ITGA11: variants seen among roughly 807,000 people sequenced by gnomAD.
The protein encoded by ITGA11 is integrin subunit alpha 11.
A neutral mutation model predicts 141.9 loss-of-function variants in ITGA11; 97 were observed. The ratio of observed to expected loss-of-function variants is 0.68; its 90% CI spans 0.58 to 0.81. ITGA11 has a LOEUF of 0.81. ITGA11 is among the 30% of genes least tolerant of loss of function. The pLI, the probability that ITGA11 is intolerant of heterozygous loss-of-function variation, is 0.00. For synonymous variants in ITGA11, 658 were observed against 624.6 expected, an observed-to-expected ratio of 1.05 and a Z score of -0.80; for missense variants, 1,387 against 1,559.2, an observed-to-expected ratio of 0.89 and a Z score of 1.86.
chr15:68,346,396 C>A (rs770122779), intron 10 of ITGA11, among the ~76,000 whole-genome samples: 1 of 152,158 alleles, frequency 6.6e-6, no homozygotes, highest in Non-Finnish European at 1.5e-5. Context: ...TTAATGTCCT[C>A]CTCTTTTTAG....
At position 68,297,453 on chromosome 15, in the gene ITGA11, T is replaced by TTA. The variant is rs398043461; in HGVS notation, c.*5605_*5606insTA. ...TGAGCTTTTTTTTTTTTTTTTTTTT[T>TTA]ATCCAAAAGAAAGCTATGTCTGGTT... On this transcript the variant is annotated 3_prime_UTR_variant, in exon 30 of 30. Coordinates refer to ENST00000315757, the MANE Select transcript of ITGA11 (RefSeq NM_001004439.2). The TTA allele has an allele frequency of 1.9e-4, 29 of 149,060 alleles. No individual in the cohort carries two copies. The highest frequency in any genetic ancestry group is 6.2e-4 in the African/African-American group (25 of 40,154). The allele number at this position is 149,060 out of a possible 1,614,324, so 9.2% of individuals were successfully genotyped here.
chr15:68,405,637 G>C (rs1435133228), intron 1 of ITGA11, among the ~76,000 whole-genome samples: 2 of 152,134 alleles, frequency 1.3e-5, no homozygotes, highest in African/African-American at 2.4e-5. Context: ...GTGAGCACAG[G>C]GTCCTGAAGA....
chr15:68,315,773 CGCCCACTCCCCACA>C (rs377739711), intron 21 of ITGA11, 46 bp from the exon 22 acceptor site: 406 of 1,476,872 alleles, frequency 2.7e-4, no homozygotes, highest in Middle Eastern at 1.6e-3. Flanking sequence ...GGACCAGCCC[CGCCCACTCCCCACA>C]GCCCACTCCC....
At chr15:68,364,657 A>ACCCCC in intron 4 of ITGA11, 50 bp downstream of exon 4, 11 of 671,270 alleles carry the variant, frequency 1.6e-5, no homozygotes, top group Non-Finnish European at 2.7e-5. Context: ...ACCCCTCCCC[A>ACCCCC]CCCCCACCCC....
At chr15:68,414,318 A>G (rs1051372971) in intron 1 of ITGA11, among the ~76,000 whole-genome samples, 28 of 151,952 alleles carry the variant, frequency 1.8e-4, no homozygotes, top group Non-Finnish European at 4.0e-4. Flanking sequence ...CCCTGGGGGG[A>G]CGGGGCTGGA....
At chr15:68,382,805 C>T (rs1015163598) in intron 2 of ITGA11, among the ~76,000 whole-genome samples, 6 of 152,092 alleles carry the variant, frequency 3.9e-5, no homozygotes, top group South Asian at 2.1e-4. Flanking sequence ...ACAGATAAAC[C>T]AGGAAGAAAA....
chr15:68,352,550 A>T (rs1353782885), intron 7 of ITGA11, among the ~76,000 whole-genome samples: 3 of 152,148 alleles, frequency 2.0e-5, no homozygotes, highest in African/African-American at 7.2e-5. Flanking sequence ...CACTTTCTTT[A>T]GTACTGAAAA....
At chr15:68,377,500 G>A (rs1895758174) in intron 2 of ITGA11, among the ~76,000 whole-genome samples, 1 of 152,116 alleles carries the variant, frequency 6.6e-6, no homozygotes, top group African/African-American at 2.4e-5. Context: ...TCAAACTCCT[G>A]ACCTCAGGTG....
At position 68,302,958 on chromosome 15, in the gene ITGA11, G is replaced by T; in HGVS notation, c.*101C>A. ...ATGAGGTCAAGTGCAAAGCCAGCTG[G>T]CTTCCTCTCCGCTCCAGCTCGGTGG... On this transcript the variant is annotated 3_prime_UTR_variant, in exon 30 of 30. Transcript: ENST00000315757. The T allele has an allele frequency of 1.1e-6, 1 of 923,160 alleles. No homozygotes were observed. The allele number at this position is 923,160 out of a possible 1,614,324, so 57.2% of individuals were successfully genotyped here. A position where few individuals can be genotyped will look rare whatever the true frequency, so the allele number is the denominator to read the frequency against.
chr15:68,326,486 G>A lies in ITGA11; in HGVS notation c.2211+168C>T, dbSNP rs1323461063. Among the ~76,000 whole-genome samples the A allele has an allele frequency of 6.6e-6, 1 of 152,044 alleles. No homozygotes were observed. Among genetic ancestry groups the A allele is most frequent in the African/African-American group, 2.4e-5 (1 of 41,400 alleles). On this transcript the variant is annotated intron_variant, in intron 17 of 29. Transcript: ENST00000315757. This position sits in a 1 kb window ranked among gnomAD's most constrained non-coding sequence, Gnocchi z 6.8. ...AGGTGGTATGTAGCGTGTCTCTGGG[G>A]CATGAGGTGGGAATGTGGAGTGGCC...
At chr15:68,352,718 A>G (rs189629266) in intron 7 of ITGA11, among the ~76,000 whole-genome samples, 42 of 152,294 alleles carry the variant, frequency 2.8e-4, no homozygotes, top group African/African-American at 1.0e-3. Context: ...TCTCTTTCTC[A>G]CTTTTTATTT....
chr15:68,331,133 G>C (rs770182114), intron 14 of ITGA11, 22 bp from the exon 15 acceptor site: 2 of 1,575,572 alleles, frequency 1.3e-6, no homozygotes, highest in South Asian at 1.2e-5. Context: ...GGGAAGAGAG[G>C]GGGAGGGCAT....
intron 2 of ITGA11, among the ~76,000 whole-genome samples, chr15:68,402,319 G>A (rs1896531573): frequency 6.6e-6 from 1 of 152,026 alleles, no homozygotes; most frequent in Non-Finnish European, 1.5e-5. Flanking sequence ...TTGTGGTGAT[G>A]GCCTCACAAC....
At position 68,335,625 on chromosome 15, in the gene ITGA11, T is replaced by C; in HGVS notation, c.1425+72A>G. 1.3e-6 allele frequency: 2 copies of C among 1,534,700 alleles called. No homozygotes were observed. The highest frequency in any genetic ancestry group is 1.8e-6 in the Non-Finnish European group (2 of 1,123,486). On this transcript the variant is annotated intron_variant, in intron 12 of 29. Coordinates refer to ENST00000315757, the MANE Select transcript of ITGA11 (RefSeq NM_001004439.2). This position sits in a 1 kb window ranked among gnomAD's most constrained non-coding sequence, Gnocchi z 4.9. The stretch of plus-strand genomic sequence containing the variant: ...ACCCAGTGGTCCAGGCATGCCTGTA[T>C]TTACTGCCCTCCCATTTGTCTGATC...
chr15:68,413,784 AT>A (rs987458933), intron 1 of ITGA11, among the ~76,000 whole-genome samples: 9 of 152,306 alleles, frequency 5.9e-5, no homozygotes, highest in African/African-American at 2.2e-4. Context: ...ACAATTTAGA[AT>A]TGGAAACCAG....
chr15:68,430,120 A>G (rs1897235636), intron 1 of ITGA11, among the ~76,000 whole-genome samples: 1 of 152,232 alleles, frequency 6.6e-6, no homozygotes, highest in Non-Finnish European at 1.5e-5. Context: ...AATGAATCCC[A>G]TATTTCAAGA....
At chr15:68,346,173 A>G (rs533186951) in intron 10 of ITGA11, among the ~76,000 whole-genome samples, 1 of 152,242 alleles carries the variant, frequency 6.6e-6, no homozygotes, top group South Asian at 2.1e-4. Flanking sequence ...CCTGGGGAAC[A>G]GAGAAGTTGA....
At chr15:68,341,098 T>C (rs1008879484) in intron 10 of ITGA11, among the ~76,000 whole-genome samples, 3 of 152,238 alleles carry the variant, frequency 2.0e-5, no homozygotes, top group African/African-American at 7.2e-5. Flanking sequence ...TAACAAATCC[T>C]AACCCTCCAG....
rs760730392 is a variant in ITGA11, at chr15:68,339,576, G to A, written c.1200C>T (p.Ala400=). 1.6e-5 allele frequency: 26 copies of A among 1,613,954 alleles called. No individual in the cohort carries two copies. The highest frequency in any genetic ancestry group is 9.9e-5 in the South Asian group (9 of 91,074). The part of the protein sequence containing the change: ...WNGAVLKETS[A]GKVIPLRESY... ...ACTCGCGGAGAGGAATGACCTTCCCGGCACTCGTCTCCTTTAGCACAGCTC... is the reference window on the plus strand; with the variant it reads ...ACTCGCGGAGAGGAATGACCTTCCCAGCACTCGTCTCCTTTAGCACAGCTC... The change falls in exon 11 of 30, where the codon GCC becomes GCT. Residue 400 remains alanine (A), a synonymous_variant. Coordinates refer to ENST00000315757, the MANE Select transcript of ITGA11 (RefSeq NM_001004439.2).
Sources: gnomAD v4.1 joint callset for allele counts (sites outside exome capture counted in the v4.1 genomes callset) on GRCh38, gnomAD v4.1.1 for gene constraint, Gnocchi (gnomAD v3.1) non-coding constraint, MANE v1.5 for transcripts, NCBI Gene and HGNC (gene_info 2026-07-23, HGNC 2026-07-21) for gene names.